PSMF1: variants seen among roughly 807,000 people sequenced by gnomAD.
The protein encoded by PSMF1 is proteasome inhibitor subunit 1, also known as proteasome inhibitor PI31 subunit.
PSMF1 carries 30 observed loss-of-function variants against 29.3 expected under a neutral mutation model. That is an observed-to-expected ratio of 1.02 (90% CI 0.77 to 1.39). The LOEUF (loss-of-function observed/expected upper bound fraction) is 1.39, where lower values mean the gene tolerates loss of function less well. Ranked by LOEUF, PSMF1 falls within the 40% of genes most tolerant of loss-of-function variation. The pLI is 0.00. For synonymous variants in PSMF1, 134 were observed against 139.7 expected, an observed-to-expected ratio of 0.96 and a Z score of 0.29; for missense variants, 344 against 357.5, an observed-to-expected ratio of 0.96 and a Z score of 0.31.
At chr20:1,141,120 G>A (rs1055395779) in intron 4 of PSMF1, among the ~76,000 whole-genome samples, 2 of 152,150 alleles carry the variant, frequency 1.3e-5, no homozygotes, top group Non-Finnish European at 2.9e-5. Flanking sequence ...TCCAGAATAG[G>A]CAACTTTATA....
intron 2 of PSMF1, among the ~76,000 whole-genome samples, chr20:1,126,177 C>A (rs2086153617): frequency 6.6e-6 from 1 of 152,204 alleles, no homozygotes; most frequent in East Asian, 1.9e-4. Flanking sequence ...TTTACGCCAT[C>A]ATTTTATTTT....
intron 2 of PSMF1, 81 bp downstream of exon 2, chr20:1,125,731 C>G: frequency 2.6e-6 from 4 of 1,509,532 alleles, no homozygotes; most frequent in Non-Finnish European, 3.6e-6. Flanking sequence ...CGGTACGAAT[C>G]CAGAGCTTCA....
At chr20:1,113,920 T>G (rs912917473), upstream of PSMF1, among the ~76,000 whole-genome samples, 1 of 152,042 alleles carries the variant, frequency 6.6e-6, no homozygotes, top group African/African-American at 2.4e-5. Flanking sequence ...CTCGATGTCC[T>G]GACCTCGTGA....
chr20:1,123,723 A>G (rs894856564), intron 1 of PSMF1, among the ~76,000 whole-genome samples: 4 of 152,234 alleles, frequency 2.6e-5, no homozygotes, highest in Non-Finnish European at 4.4e-5. Context: ...ATTTTGGATC[A>G]TAGGATATTG....
At chr20:1,140,065 C>T (rs2086362182) in intron 4 of PSMF1, among the ~76,000 whole-genome samples, 1 of 152,150 alleles carries the variant, frequency 6.6e-6, no homozygotes, top group Non-Finnish European at 1.5e-5. Context: ...AAAATCCCAG[C>T]AGGTTTTGGG....
At position 1,167,360 on chromosome 20, in the gene PSMF1, A is replaced by G. The variant is rs1333512930; in HGVS notation, c.*2280A>G. ...TTTTAAATAGCAGCTTTATTGAGATATAATTTACATACCCATAATTTACAT... is the reference window on the plus strand; with the variant it reads ...TTTTAAATAGCAGCTTTATTGAGATGTAATTTACATACCCATAATTTACAT... On this transcript the variant is annotated 3_prime_UTR_variant, in exon 7 of 7. Coordinates refer to ENST00000335877, the MANE Select transcript of PSMF1 (RefSeq NM_006814.5). 1 of 151,864 alleles carries G rather than the reference A, an allele frequency of 6.6e-6. No homozygotes were observed. The highest frequency in any genetic ancestry group is 1.9e-4 in the East Asian group (1 of 5,200). The allele number at this position is 151,864 out of a possible 1,614,324, so 9.4% of individuals were successfully genotyped here.
intron 4 of PSMF1, chr20:1,161,465 G>C (rs1008997570): frequency 2.0e-6 from 1 of 491,488 alleles, no homozygotes; most frequent in South Asian, 2.4e-5. Flanking sequence ...CCAACACGGT[G>C]CTGGCCAGTG....
chr20:1,127,266 C>G (rs752656732), intron 2 of PSMF1, 160 bp from the exon 3 acceptor site: 1 of 775,768 alleles, frequency 1.3e-6, no homozygotes, highest in Non-Finnish European at 2.3e-6. Flanking sequence ...GAGAAGTCTC[C>G]AAGCCTTAGG....
chr20:1,141,589 C>T (rs2086381093), intron 4 of PSMF1, among the ~76,000 whole-genome samples: 1 of 151,940 alleles, frequency 6.6e-6, no homozygotes, highest in South Asian at 2.1e-4. Flanking sequence ...TTAAAATTAG[C>T]TACTGAATGC....
rs952580979 is a variant in PSMF1 at position 1,167,900 on chromosome 20, T to A, written c.*2820T>A. The A allele has an allele frequency of 6.6e-6, 1 of 152,250 alleles. No homozygotes were observed. Among genetic ancestry groups the A allele is most frequent in the Non-Finnish European group, 1.5e-5 (1 of 68,040 alleles). The allele number at this position is 152,250 out of a possible 1,614,324, so 9.4% of individuals were successfully genotyped here. Reference sequence around the variant, plus strand: ...CACATGGTAGCTCTATATTCTACTTTGTGAGGAATTGTCAGACTGTTTTCC... The same window carrying A: ...CACATGGTAGCTCTATATTCTACTTAGTGAGGAATTGTCAGACTGTTTTCC... On this transcript the variant is annotated 3_prime_UTR_variant, in exon 7 of 7. Coordinates refer to ENST00000335877, the MANE Select transcript of PSMF1 (RefSeq NM_006814.5).
rs1439961452 is a variant in PSMF1, at chr20:1,127,438, C to T, written c.295C>T (p.Gln99Ter). The change falls in exon 3 of 7, where the codon CAG becomes TAG. Residue 99 changes from glutamine (Q) to a stop codon, truncating the protein, a stop_gained. Coordinates refer to ENST00000335877, the MANE Select transcript of PSMF1 (RefSeq NM_006814.5). LOFTEE classifies it high-confidence loss of function. ...TTCACCCATCTAGGAATATGGCTCA[C>T]AGCAAGTGGCAGACTTGACCCTGAA... ...MILNVLEYGSQQVADLTLNLD... is the reference protein window; with the variant it reads ...MILNVLEYGS 6.2e-7 allele frequency: 1 copy of T among 1,604,340 alleles called. No homozygotes were observed. Among genetic ancestry groups the T allele is most frequent in the Non-Finnish European group, 8.5e-7 (1 of 1,171,168 alleles).
intron 3 of PSMF1, among the ~76,000 whole-genome samples, chr20:1,128,662 A>G (rs1600144946): frequency 6.6e-6 from 1 of 151,850 alleles, no homozygotes; most frequent in East Asian, 2.0e-4. Context: ...AAGCTGATTT[A>G]TGTCTGCTTT....
chr20:1,131,004 T>C (rs1227928813), intron 3 of PSMF1, among the ~76,000 whole-genome samples: 1 of 152,076 alleles, frequency 6.6e-6, no homozygotes, highest in African/African-American at 2.4e-5. Context: ...GAAGGGGAAG[T>C]GAGCCAGGCC....
intron 3 of PSMF1, 147 bp from the exon 4 acceptor site, chr20:1,134,974 G>C: frequency 1.3e-6 from 1 of 775,654 alleles, no homozygotes; most frequent in Non-Finnish European, 2.2e-6. Flanking sequence ...AGGTCCAGCA[G>C]GCGGCCTGTT....
upstream of PSMF1, among the ~76,000 whole-genome samples, chr20:1,117,655 T>A (rs902421727): frequency 6.6e-6 from 1 of 152,154 alleles, no homozygotes; most frequent in African/African-American, 2.4e-5. Flanking sequence ...ATCTGACTTG[T>A]TTTCTAACAG....
chr20:1,145,156 G>A (rs2086433547), intron 4 of PSMF1, among the ~76,000 whole-genome samples: 1 of 152,194 alleles, frequency 6.6e-6, no homozygotes, highest in South Asian at 2.1e-4. Flanking sequence ...AAAGGGCTGG[G>A]ATCATAGGCA....
Position 1,171,005 on chromosome 20 carries a change from T to C in PSMF1, c.*5925T>C, listed in dbSNP as rs1726774922. Among the ~76,000 whole-genome samples the C allele has an allele frequency of 6.6e-6, 1 of 152,094 alleles. No homozygotes were observed. ...GTGATTGGAACCCAGGTCAGTGCTC[T>C]TTTCAGTAGAACTGCTGTACCCAGA... On this transcript the variant is annotated 3_prime_UTR_variant, in exon 7 of 7. Transcript: ENST00000335877.
rs138799263 is a variant in PSMF1, at chr20:1,127,492, C to G, written c.349C>G (p.Leu117Val). 47 of 1,602,274 alleles carry G rather than the reference C, an allele frequency of 2.9e-5. No individual in the cohort carries two copies. The African/African-American group carries it at 5.9e-4, about 20-fold the overall frequency. ...NLDDYIDAEHLGDFHRTYKNS... is the reference protein window; with the variant it reads ...NLDDYIDAEHVGDFHRTYKNS... ...GGATGATTATATCGATGCAGAACACCTGGGTGACTTCCACAGGTACTTCTA... is the reference window on the plus strand; with the variant it reads ...GGATGATTATATCGATGCAGAACACGTGGGTGACTTCCACAGGTACTTCTA... The change falls in exon 3 of 7, where the codon CTG becomes GTG. Residue 117 changes from leucine (L) to valine (V), a missense_variant. Coordinates refer to ENST00000335877, the MANE Select transcript of PSMF1 (RefSeq NM_006814.5).
chr20:1,139,211 A>G (rs1820659637), intron 4 of PSMF1, among the ~76,000 whole-genome samples: 1 of 152,122 alleles, frequency 6.6e-6, no homozygotes, highest in South Asian at 2.1e-4. Flanking sequence ...AAAAAACAAC[A>G]ATAGAAGGGA....
Sources: allele counts gnomAD v4.1 joint callset (sites outside exome capture counted in the v4.1 genomes callset), GRCh38; gene constraint gnomAD v4.1.1; transcripts MANE v1.5; gene names NCBI Gene and HGNC (gene_info 2026-07-23, HGNC 2026-07-21).